Variants in CCDC68 observed in about 807,000 individuals in gnomAD.
The protein encoded by CCDC68 is coiled-coil domain-containing protein 68.
In CCDC68, 45 loss-of-function variants were observed where a neutral mutation model predicts 47.1. The ratio of observed to expected loss-of-function variants is 0.96; its 90% CI spans 0.75 to 1.23. The LOEUF (loss-of-function observed/expected upper bound fraction) is 1.23. Among genes scored for constraint, CCDC68 ranks in the 50% most tolerant of loss-of-function variants. The probability of loss-of-function intolerance (pLI) is 0.00; values close to 1 mark genes in which losing one functional copy is unlikely to be tolerated. For synonymous variants in CCDC68, 131 were observed against 129.5 expected (o/e 1.01, Z -0.08); for missense variants, 353 against 373.6 (o/e 0.94, Z 0.45).
At chr18:54,922,160 T>C (rs1343932642) in intron 8 of CCDC68, among the ~76,000 whole-genome samples, 2 of 152,116 alleles carry the variant, frequency 1.3e-5, no homozygotes, top group Non-Finnish European at 1.5e-5. Flanking sequence ...CAGCCTGTAT[T>C]CACATTAGAT....
At chr18:54,939,880 A>C (rs2044407799) in intron 4 of CCDC68, among the ~76,000 whole-genome samples, 1 of 151,882 alleles carries the variant, frequency 6.6e-6, no homozygotes, top group Admixed American at 6.6e-5. Flanking sequence ...TTGCCATGAT[A>C]ATCTAGGGCC....
At chr18:54,930,624 CCCCTCCCTCCCTCCCTCCCTCCCT>C (rs1162034323) in intron 7 of CCDC68, among the ~76,000 whole-genome samples, 3 of 28,524 alleles carry the variant, frequency 1.1e-4, no homozygotes, top group Admixed American at 6.7e-4. Flanking sequence ...CCCTTCCCTT[CCCCTCCCTCCCTCCCTCCCTCCCT>C]CCCTCCCTTC....
intron 10 of CCDC68, among the ~76,000 whole-genome samples, chr18:54,912,057 C>T (rs1310006541): frequency 2.6e-5 from 4 of 152,138 alleles, no homozygotes; most frequent in Non-Finnish European, 5.9e-5. Context: ...AGTTTATTGA[C>T]ATAGTTTTCA....
chr18:54,934,629 AG>A (rs1713686846), intron 7 of CCDC68, among the ~76,000 whole-genome samples, 190 bp downstream of exon 7: 1 of 152,232 alleles, frequency 6.6e-6, no homozygotes, highest in Admixed American at 6.5e-5. Flanking sequence ...CAATCACCAC[AG>A]TATAGATCAT....
intron 1 of CCDC68, among the ~76,000 whole-genome samples, chr18:54,958,253 A>G (rs889011475): frequency 6.6e-6 from 1 of 152,164 alleles, no homozygotes; most frequent in Non-Finnish European, 1.5e-5. Context: ...CCTCTGTGTC[A>G]GGGGCCTTCC....
chr18:54,906,230 G>C (rs1490828006), intron 11 of CCDC68, among the ~76,000 whole-genome samples: 1 of 151,990 alleles, frequency 6.6e-6, no homozygotes, highest in Non-Finnish European at 1.5e-5. Context: ...TAATTAATAC[G>C]AGAATTTCTA....
chr18:54,941,842 C>T (rs1197543113), intron 3 of CCDC68, among the ~76,000 whole-genome samples: 1 of 152,158 alleles, frequency 6.6e-6, no homozygotes, highest in Non-Finnish European at 1.5e-5. Flanking sequence ...GTTGCCCAGG[C>T]TGGAGTGCAA....
intron 1 of CCDC68, among the ~76,000 whole-genome samples, chr18:54,958,730 T>A (rs1407700594): frequency 2.6e-5 from 4 of 152,082 alleles, no homozygotes; most frequent in African/African-American, 9.7e-5. Flanking sequence ...AAGATAAGAG[T>A]GTTCCTTTGT....
intron 8 of CCDC68, among the ~76,000 whole-genome samples, chr18:54,926,292 C>A (rs1379675530): frequency 6.6e-6 from 1 of 152,192 alleles, no homozygotes; most frequent in African/African-American, 2.4e-5. Context: ...AGGAAACTTA[C>A]AGTCATGTTG....
In CCDC68 at chr18:54,928,808, A is replaced by T; in HGVS notation, c.675T>A (p.Tyr225Ter). Residue 225 changes from tyrosine to a stop codon, truncating the protein, a stop_gained, in exon 8 of 12, where the codon TAT (tyrosine) becomes TAA (stop). Transcript: ENST00000591504. LOFTEE classifies it high-confidence loss of function. ...CAGGTAGCTTCACAAACCTTTTTCC[A>T]TATGTAGCACTGGATTTGAGTTGCA... ...KLLQLKSSAT[Y>*]GKSCQDLQRE... 2 of 1,609,248 alleles carry T rather than the reference A, an allele frequency of 1.2e-6. No individual in the cohort carries two copies. The highest frequency in any genetic ancestry group is 1.7e-6 in the Non-Finnish European group (2 of 1,175,754).
chr18:54,942,726 C>T lies in CCDC68; in HGVS notation c.66G>A (p.Leu22=). ...PRDKMEDNSA[L]YESTSAHIIE... Reference sequence around the variant, plus strand: ...TAATGTGAGCGGACGTAGACTCATACAAGGCAGAATTATCTTCCATCTTAT... The same window carrying T: ...TAATGTGAGCGGACGTAGACTCATATAAGGCAGAATTATCTTCCATCTTAT... The change falls in exon 3 of 12, where the codon TTG becomes TTA. Residue 22 remains leucine, a synonymous_variant. Transcript: ENST00000591504. 1.9e-6 allele frequency: 3 copies of T among 1,612,746 alleles called. No homozygotes were observed. Among genetic ancestry groups the T allele is most frequent in the African/African-American group, 1.3e-5 (1 of 74,964 alleles).
chr18:54,944,711 T>G (rs1004160767), intron 2 of CCDC68, among the ~76,000 whole-genome samples: 3 of 152,214 alleles, frequency 2.0e-5, no homozygotes, highest in Non-Finnish European at 4.4e-5. Context: ...AAAGTTTATT[T>G]ATTGAATTCC....
Position 54,936,879 on chromosome 18 carries a change from G to T in CCDC68, c.425C>A (p.Ser142Tyr), listed in dbSNP as rs1189650140. Residue 142 changes from serine to tyrosine, a missense_variant, in exon 6 of 12, where the codon TCT (serine) becomes TAT (tyrosine). Coordinates refer to ENST00000591504, the MANE Select transcript of CCDC68 (RefSeq NM_025214.3). ...CTCCTGCTTCTTTCTCACTTCTTCAGATTGCGTTTGGTAGTTTTCAAATAA... is the reference window on the plus strand; with the variant it reads ...CTCCTGCTTCTTTCTCACTTCTTCATATTGCGTTTGGTAGTTTTCAAATAA... ...QRLFENYQTQSEEVRKKQEDS... is the reference protein window; with the variant it reads ...QRLFENYQTQYEEVRKKQEDS... The T allele has an allele frequency of 6.2e-7, 1 of 1,613,982 alleles. No individual in the cohort carries two copies. The highest frequency in any genetic ancestry group is 1.3e-5 in the African/African-American group (1 of 74,918).
At chr18:54,937,813 G>C in intron 5 of CCDC68, 144 bp downstream of exon 5, 1 of 482,510 alleles carries the variant, frequency 2.1e-6, no homozygotes, top group Non-Finnish European at 3.5e-6. Context: ...ATATAAAAAT[G>C]CTTCTCTATG....
rs138827983 is a variant in CCDC68 at position 54,917,240 on chromosome 18, A to G, written c.873+673T>C. Among the ~76,000 whole-genome samples, 213 of 152,322 alleles carry G rather than the reference A, an allele frequency of 1.4e-3. No homozygotes were observed. In the South Asian group the frequency reaches 0.015, roughly 11 times the overall value. ...ACAATTATAACAGGCTTCTAGAAGT[A>G]GGTAAGCCTGGAGGCAAAGCTGGGA... is the stretch of plus-strand genomic sequence containing the variant. On this transcript the variant is annotated intron_variant, in intron 10 of 11. Coordinates refer to ENST00000591504, the MANE Select transcript of CCDC68 (RefSeq NM_025214.3).
intron 5 of CCDC68, chr18:54,937,597 A>G: frequency 6.4e-6 from 1 of 156,658 alleles, no homozygotes; most frequent in Non-Finnish European, 1.4e-5. Flanking sequence ...TTAAAAAGGT[A>G]TTGTGGATTG....
intron 1 of CCDC68, among the ~76,000 whole-genome samples, chr18:54,952,868 C>T (rs1167511189): frequency 2.6e-5 from 4 of 152,108 alleles, no homozygotes; most frequent in Admixed American, 2.6e-4. Context: ...CAAAAATTAG[C>T]CAGTTGTGGC....
At chr18:54,925,495 C>A (rs1292300844) in intron 8 of CCDC68, among the ~76,000 whole-genome samples, 1 of 152,020 alleles carries the variant, frequency 6.6e-6, no homozygotes, top group African/African-American at 2.4e-5. Context: ...CCAGAAGAAG[C>A]CAAAAGAACT....
intron 5 of CCDC68, 166 bp downstream of exon 5, chr18:54,937,791 A>G: frequency 2.2e-6 from 1 of 464,966 alleles, no homozygotes; most frequent in Non-Finnish European, 3.8e-6. Context: ...ACAGTGAGAT[A>G]TGATTTGTGA....
Sources: allele counts gnomAD v4.1 joint callset (sites outside exome capture counted in the v4.1 genomes callset), GRCh38; gene constraint gnomAD v4.1.1; transcripts MANE v1.5; gene names NCBI Gene and HGNC (gene_info 2026-07-23, HGNC 2026-07-21).